SH3RF3: variants seen among roughly 807,000 people sequenced by gnomAD.
SH3RF3 encodes SH3 domain containing ring finger 3.
Under a neutral mutation model 66.3 loss-of-function variants are expected in SH3RF3, and 29 were observed. That is an observed-to-expected ratio of 0.44 (90% CI 0.33 to 0.60). The LOEUF is 0.60. Among genes scored for constraint, SH3RF3 ranks in the 20% least tolerant of loss-of-function variants. SH3RF3 has a pLI of 0.04. For missense variants in SH3RF3, 1,194 were observed against 1,190.9 expected (o/e 1.00, Z -0.04); for synonymous variants, 583 against 532.0 (o/e 1.10, Z -1.32).
intron 1 of SH3RF3, among the ~76,000 whole-genome samples, chr2:109,340,295 G>A (rs1682530476): frequency 6.6e-6 from 1 of 152,160 alleles, no homozygotes; most frequent in Admixed American, 6.5e-5. Context: ...GTTGCTGTAA[G>A]GATCCTGTGG....
Position 109,238,285 on chromosome 2 carries a change from G to C in SH3RF3, c.573+108172G>C, listed in dbSNP as rs148491908. 2.3e-3 allele frequency among the ~76,000 whole-genome samples: 346 copies of C among 152,238 alleles called. 3 individuals carry two copies. The highest frequency in any genetic ancestry group is 6.8e-3 in the African/African-American group (284 of 41,540). Reference sequence around the variant, plus strand: ...GCTCTAAAAATGAAGCAGGATACCAGATGGCAAGTACACTAATATCACTGT... The same window carrying C: ...GCTCTAAAAATGAAGCAGGATACCACATGGCAAGTACACTAATATCACTGT... On this transcript the variant is annotated intron_variant, in intron 1 of 9. Coordinates refer to ENST00000309415, the MANE Select transcript of SH3RF3 (RefSeq NM_001099289.3).
intron 1 of SH3RF3, among the ~76,000 whole-genome samples, chr2:109,233,852 G>T (rs777011463): frequency 6.6e-6 from 1 of 152,190 alleles, no homozygotes; most frequent in Non-Finnish European, 1.5e-5. Context: ...GCACATTTGC[G>T]ATTGGTCTGC....
At chr2:109,490,391 G>T (rs761329662) in intron 8 of SH3RF3, among the ~76,000 whole-genome samples, 3 of 152,180 alleles carry the variant, frequency 2.0e-5, no homozygotes, top group Non-Finnish European at 4.4e-5. Context: ...GCCCTCACTG[G>T]TTCACCCGTG....
At chr2:109,446,996 G>A (rs1013306206) in intron 7 of SH3RF3, among the ~76,000 whole-genome samples, 2 of 151,830 alleles carry the variant, frequency 1.3e-5, no homozygotes, top group African/African-American at 2.4e-5. Context: ...CTCGAGGAGC[G>A]GCCTCTGAGT....
At chr2:109,390,219 C>T (rs930868359) in intron 3 of SH3RF3, among the ~76,000 whole-genome samples, 10 of 152,100 alleles carry the variant, frequency 6.6e-5, no homozygotes, top group African/African-American at 2.2e-4. Flanking sequence ...TAAGTGATGC[C>T]CTTCACACAC....
intron 1 of SH3RF3, among the ~76,000 whole-genome samples, chr2:109,333,638 C>T (rs185906456): frequency 1.3e-5 from 2 of 152,290 alleles, no homozygotes; most frequent in Admixed American, 1.3e-4. Context: ...GCCTGCAAAG[C>T]CACCTTGCTC....
chr2:109,153,839 G>T (rs1677277444), intron 1 of SH3RF3, among the ~76,000 whole-genome samples: 1 of 152,242 alleles, frequency 6.6e-6, no homozygotes, highest in Admixed American at 6.5e-5. Flanking sequence ...CCTGCTTCCT[G>T]AGGGCTGACT....
intron 1 of SH3RF3, among the ~76,000 whole-genome samples, chr2:109,183,107 A>C (rs1678107418): frequency 6.6e-6 from 1 of 152,226 alleles, no homozygotes; most frequent in Non-Finnish European, 1.5e-5. Context: ...TTTTTAAAAG[A>C]AATCTTTAGA....
chr2:109,195,239 C>T (rs1214279572), intron 1 of SH3RF3, among the ~76,000 whole-genome samples: 1 of 152,056 alleles, frequency 6.6e-6, no homozygotes, highest in East Asian at 1.9e-4. Context: ...GGACTGCCTA[C>T]ACTAGGACTG....
intron 1 of SH3RF3, among the ~76,000 whole-genome samples, chr2:109,317,004 A>G (rs773670850): frequency 6.6e-6 from 1 of 151,876 alleles, no homozygotes; most frequent in Non-Finnish European, 1.5e-5. Context: ...ATCACTGAAT[A>G]ACACTCCATT....
intron 1 of SH3RF3, among the ~76,000 whole-genome samples, chr2:109,265,565 G>A (rs931764520): frequency 2.6e-5 from 4 of 152,206 alleles, no homozygotes; most frequent in African/African-American, 9.6e-5. Context: ...TCTCCTTCAG[G>A]GCAGGTGTGG....
intron 3 of SH3RF3, among the ~76,000 whole-genome samples, chr2:109,373,743 C>T (rs933034964): frequency 6.6e-6 from 1 of 152,046 alleles, no homozygotes; most frequent in South Asian, 2.1e-4. Context: ...AAAATGGTGT[C>T]CAGTTAAGCT....
chr2:109,293,764 T>G (rs1681243586), intron 1 of SH3RF3, among the ~76,000 whole-genome samples: 1 of 152,308 alleles, frequency 6.6e-6, no homozygotes, highest in African/African-American at 2.4e-5. Flanking sequence ...GTGAACAGGG[T>G]GCACCCTCTC....
At chr2:109,141,838 C>T (rs773382049) in intron 1 of SH3RF3, among the ~76,000 whole-genome samples, 7 of 152,106 alleles carry the variant, frequency 4.6e-5, no homozygotes, top group Non-Finnish European at 7.4e-5. Context: ...GCCAGGTCCT[C>T]GCCTCCTTTC....
intron 1 of SH3RF3, among the ~76,000 whole-genome samples, chr2:109,269,777 G>A (rs1401450702): frequency 6.6e-6 from 1 of 152,196 alleles, no homozygotes; most frequent in Admixed American, 6.5e-5. Flanking sequence ...GCCGGGAGGG[G>A]TGAGGGGAAC....
chr2:109,409,943 TGAG>T (rs1270394667), intron 4 of SH3RF3, among the ~76,000 whole-genome samples: 11 of 152,152 alleles, frequency 7.2e-5, no homozygotes, highest in African/African-American at 2.2e-4. Flanking sequence ...AACATTTAAA[TGAG>T]GAGATGTTTC....
chr2:109,186,431 A>C (rs995758727), intron 1 of SH3RF3, among the ~76,000 whole-genome samples: 4 of 152,260 alleles, frequency 2.6e-5, no homozygotes, highest in African/African-American at 9.6e-5. Flanking sequence ...GTGAGGCTTT[A>C]GAGTGCAAAC....
At chr2:109,276,926 C>T (rs577590045) in intron 1 of SH3RF3, among the ~76,000 whole-genome samples, 74 of 152,116 alleles carry the variant, frequency 4.9e-4, no homozygotes, top group African/African-American at 1.7e-3. Context: ...GTTCATGTTT[C>T]GGGGAGGGTG....
At chr2:109,376,361 G>T (rs1410330978) in intron 3 of SH3RF3, among the ~76,000 whole-genome samples, 1 of 152,204 alleles carries the variant, frequency 6.6e-6, no homozygotes, top group Non-Finnish European at 1.5e-5. Flanking sequence ...GTCAGGAAAG[G>T]AATCAGCTCG....
Sources: allele counts gnomAD v4.1 joint callset (sites outside exome capture counted in the v4.1 genomes callset), GRCh38; gene constraint gnomAD v4.1.1; transcripts MANE v1.5; gene names NCBI Gene and HGNC (gene_info 2026-07-23, HGNC 2026-07-21).